NUSAP1: variants seen among roughly 807,000 people sequenced by gnomAD.
NUSAP1 encodes nucleolar and spindle associated protein 1.
NUSAP1 carries 32 observed loss-of-function variants against 52.8 expected under a neutral mutation model. The observed-to-expected ratio is 0.61, with a 90% CI of 0.46 to 0.81. NUSAP1 has a LOEUF of 0.81. Ranked by LOEUF, NUSAP1 falls within the 40% of genes least tolerant of loss-of-function variation. NUSAP1 has a pLI of 0.00. For synonymous variants in NUSAP1, 195 were observed against 183.1 expected (o/e 1.06, Z -0.52); for missense variants, 499 against 522.3 (o/e 0.96, Z 0.43).
chr15:41,373,140 A>G (rs187357388), intron 8 of NUSAP1, among the ~76,000 whole-genome samples: 1 of 151,710 alleles, frequency 6.6e-6, no homozygotes, highest in East Asian at 2.0e-4. Context: ...GGCCAACTGT[A>G]GCAAAAAGGC....
chr15:41,348,871 G>A (rs541073726), intron 2 of NUSAP1, among the ~76,000 whole-genome samples: 2 of 152,220 alleles, frequency 1.3e-5, no homozygotes, highest in South Asian at 4.1e-4. Flanking sequence ...AACCTCAGGT[G>A]ATCCACTCGC....
chr15:41,348,941 C>G (rs2048682452), intron 2 of NUSAP1, among the ~76,000 whole-genome samples, 157 bp from the exon 3 acceptor site: 1 of 152,166 alleles, frequency 6.6e-6, no homozygotes, highest in Admixed American at 6.6e-5. Context: ...CCTAAATACT[C>G]TATAATTCTT....
chr15:41,346,462 C>T (rs896115193), intron 2 of NUSAP1, among the ~76,000 whole-genome samples: 2 of 151,982 alleles, frequency 1.3e-5, no homozygotes, highest in Non-Finnish European at 2.9e-5. Flanking sequence ...CTCACTACAC[C>T]TTGTTACTTT....
chr15:41,358,329 G>A lies in NUSAP1; in HGVS notation c.660+71G>A, dbSNP rs780917446. On this transcript the variant is annotated intron_variant, in intron 6 of 10. Transcript: ENST00000559596. ...TATAATTTTGAAACTATATAACACCGTGGTTACAACAACTGGCTGTCACTC... is the reference window on the plus strand; with the variant it reads ...TATAATTTTGAAACTATATAACACCATGGTTACAACAACTGGCTGTCACTC... The A allele has an allele frequency of 8.0e-5, 57 of 715,048 alleles. 1 individual carries two copies. The highest frequency in any genetic ancestry group is 4.8e-4 in the Middle Eastern group (2 of 4,166). 44.3% of individuals were successfully genotyped at this position (715,048 alleles called of 1,614,324 possible).
chr15:41,359,535 T>C (rs1398703471), intron 6 of NUSAP1, among the ~76,000 whole-genome samples: 1 of 152,174 alleles, frequency 6.6e-6, no homozygotes, highest in African/African-American at 2.4e-5. Context: ...TGTAAATAAT[T>C]TAAGTACTTA....
intron 10 of NUSAP1, among the ~76,000 whole-genome samples, chr15:41,378,777 GA>G (rs576632279): frequency 1.3e-3 from 191 of 150,292 alleles, no homozygotes; most frequent in African/African-American, 4.5e-3. Context: ...TCTCAAAAAA[GA>G]AAAAAGAAAT....
chr15:41,368,302 A>G (rs1328858433), intron 7 of NUSAP1, among the ~76,000 whole-genome samples: 2 of 152,072 alleles, frequency 1.3e-5, no homozygotes, highest in African/African-American at 4.8e-5. Context: ...ACAGGCATAA[A>G]CCACCATGCC....
chr15:41,341,931 C>G (rs2048380960), intron 1 of NUSAP1, among the ~76,000 whole-genome samples: 1 of 152,206 alleles, frequency 6.6e-6, no homozygotes, highest in Admixed American at 6.5e-5. Flanking sequence ...GGTCCATGTT[C>G]CAGCCACACT....
chr15:41,375,797 G>T lies in NUSAP1; in HGVS notation c.1092G>T (p.Leu364Phe). The T allele has an allele frequency of 6.2e-7, 1 of 1,613,506 alleles. No individual in the cohort carries two copies. ...KKPVFDLKAS[L>F]SRPLNYEPHK... ...CAGTGTTTGATCTTAAAGCAAGTTT[G>T]TCTCGTCCCCTCAACTATGAACCAC... The change falls in exon 9 of 11, where the codon TTG becomes TTT. Residue 364 changes from leucine to phenylalanine, a missense_variant. Coordinates refer to ENST00000559596, the MANE Select transcript of NUSAP1 (RefSeq NM_016359.5).
chr15:41,378,212 A>G (rs1334942732), intron 10 of NUSAP1, among the ~76,000 whole-genome samples: 1 of 152,146 alleles, frequency 6.6e-6, no homozygotes, highest in African/African-American at 2.4e-5. Context: ...CCAGATACCA[A>G]TGCCCAGCAG....
chr15:41,360,565 C>G (rs577132563), intron 6 of NUSAP1, among the ~76,000 whole-genome samples: 1 of 152,238 alleles, frequency 6.6e-6, no homozygotes, highest in South Asian at 2.1e-4. Context: ...ATCCACCTGC[C>G]TCAGCCTCCC....
intron 6 of NUSAP1, among the ~76,000 whole-genome samples, chr15:41,360,418 G>C (rs917916154): frequency 6.6e-6 from 1 of 152,038 alleles, no homozygotes; most frequent in Non-Finnish European, 1.5e-5. Context: ...CCAGGTTCAA[G>C]CAATTCTCCT....
At position 41,332,963 on chromosome 15, in the gene NUSAP1, C is replaced by T. The variant is rs755743986; in HGVS notation, c.6C>T (p.Ile2=). The T allele has an allele frequency of 9.3e-6, 15 of 1,609,246 alleles. No homozygotes were observed. The highest frequency in any genetic ancestry group is 1.3e-5 in the Non-Finnish European group (15 of 1,177,524). The change falls in exon 1 of 11, where the codon ATC becomes ATT. Residue 2 remains isoleucine (I), a synonymous_variant. Transcript: ENST00000559596. ...CGCCGGGATTTCGAATCGCGATGAT[C>T]ATCCCCTCTCTAGAGGAGCTGGACT... The part of the protein sequence containing the change: M[I]IPSLEELDSL...
At chr15:41,344,229 A>AG in intron 2 of NUSAP1, 1 of 152,030 alleles carries the variant, frequency 6.6e-6, no homozygotes, top group Admixed American at 6.6e-5. Context: ...AAAAAAAAAA[A>AG]AAAGAAACAA....
intron 6 of NUSAP1, among the ~76,000 whole-genome samples, chr15:41,358,606 ATGGC>A (rs2049057768): frequency 6.6e-6 from 1 of 152,116 alleles, no homozygotes; most frequent in Admixed American, 6.6e-5. Flanking sequence ...GGGGTGGCAC[ATGGC>A]TGTAATCCCA....
intron 2 of NUSAP1, chr15:41,345,358 T>A: frequency 2.9e-6 from 1 of 348,226 alleles, no homozygotes; most frequent in Non-Finnish European, 5.4e-6. Flanking sequence ...ATTTTTCTAT[T>A]CTCATGTAAA....
At position 41,352,643 on chromosome 15, in the gene NUSAP1, C is replaced by G. The variant is rs567269271; in HGVS notation, c.448+1514C>G. ...TTGCTCTGTTGCCCAGGCTAGAGCA[C>G]AGTGGCACGATCTCAGCTCACTGCA... is the stretch of plus-strand genomic sequence containing the variant. On this transcript the variant is annotated intron_variant, in intron 4 of 10. Transcript: ENST00000559596. Among the ~76,000 whole-genome samples, 4 of 151,994 alleles carry G rather than the reference C, an allele frequency of 2.6e-5. No homozygotes were observed. The South Asian group carries it at 8.3e-4, about 32-fold the overall frequency.
At chr15:41,360,012 G>A (rs1422325956) in intron 6 of NUSAP1, among the ~76,000 whole-genome samples, 1 of 151,346 alleles carries the variant, frequency 6.6e-6, no homozygotes, top group African/African-American at 2.4e-5. Context: ...AGGCTGGAGT[G>A]CAATGGTGCG....
At chr15:41,375,084 A>G (rs2049866061) in intron 8 of NUSAP1, among the ~76,000 whole-genome samples, 1 of 149,686 alleles carries the variant, frequency 6.7e-6, no homozygotes, top group Non-Finnish European at 1.5e-5. Context: ...ATGTTGGCTC[A>G]CTGCAACCTC....
Sources: allele counts gnomAD v4.1 joint callset (sites outside exome capture counted in the v4.1 genomes callset), GRCh38; gene constraint gnomAD v4.1.1; transcripts MANE v1.5; gene names NCBI Gene and HGNC (gene_info 2026-07-23, HGNC 2026-07-21).